The following ASIC3 variants were observed in gnomAD, a reference collection of about 807,000 sequenced individuals.
The protein encoded by ASIC3 is acid-sensing ion channel 3.
Under a neutral mutation model 58.6 loss-of-function variants are expected in ASIC3, and 46 were observed. That is an observed-to-expected ratio of 0.79 (90% CI 0.62 to 1.00). The LOEUF (loss-of-function observed/expected upper bound fraction) is 1.00. ASIC3 is among the 50% of genes least tolerant of loss of function. The pLI is 0.00. For synonymous variants in ASIC3, 336 were observed against 300.2 expected (o/e 1.12, Z -1.23); for missense variants, 770 against 735.0 (o/e 1.05, Z -0.55).
In ASIC3 at chr7:151,048,830, ACTCT is replaced by A. The variant is rs761159844; in HGVS notation, c.-50_-47del. 23 of 1,508,708 alleles carry A rather than the reference ACTCT, an allele frequency of 1.5e-5. No homozygotes were observed. The East Asian group carries it at 1.8e-4, about 12-fold the overall frequency. The allele number at this position is 1,508,708 out of a possible 1,614,324, so 93.5% of individuals were successfully genotyped here. ...CTTAGCCTCCTTAGCCCCCTGACTGACTCTCTCTCGCTTCTTCCAAGCCTCTGTA... is the reference window on the plus strand; with the variant it reads ...CTTAGCCTCCTTAGCCCCCTGACTGACTCTCGCTTCTTCCAAGCCTCTGTA... On this transcript the variant is annotated 5_prime_UTR_variant, in exon 1 of 11. Transcript: ENST00000349064.
Position 151,048,601 on chromosome 7 carries a change from T to A in ASIC3, c.-285T>A, listed in dbSNP as rs1440260422. On this transcript the variant is annotated 5_prime_UTR_variant, in exon 1 of 11. Transcript: ENST00000349064. The stretch of plus-strand genomic sequence containing the variant: ...GCAGCCCCTGCCTGCCACGGTCAGC[T>A]ACGTCCCACCTGGTCTGCTGCGGAG... 2.3e-6 allele frequency: 1 copy of A among 431,272 alleles called. No individual in the cohort carries two copies. The highest frequency in any genetic ancestry group is 3.8e-5 in the Admixed American group (1 of 26,014). 26.7% of individuals were successfully genotyped at this position (431,272 alleles called of 1,614,324 possible).
rs751454802 is a variant in ASIC3 at position 151,049,177 on chromosome 7, C to T, written c.292C>T (p.Arg98Cys). The T allele has an allele frequency of 2.7e-5, 43 of 1,613,552 alleles. No individual in the cohort carries two copies. The South Asian group carries it at 2.7e-4, about 10-fold the overall frequency. ...CACCCTGTGCAACATCAACCCACTGCGCCGCTCGCGCCTAACGCCCAACGA... is the reference window on the plus strand; with the variant it reads ...CACCCTGTGCAACATCAACCCACTGTGCCGCTCGCGCCTAACGCCCAACGA... ...AVTLCNINPLRRSRLTPNDLH... is the reference protein window; with the variant it reads ...AVTLCNINPLCRSRLTPNDLH... The change falls in exon 1 of 11, where the codon CGC becomes TGC. Residue 98 changes from arginine to cysteine, a missense_variant. Coordinates refer to ENST00000349064, the MANE Select transcript of ASIC3 (RefSeq NM_004769.4).
At position 151,052,691 on chromosome 7, in the gene ASIC3, C is replaced by G; in HGVS notation, c.*39C>G. 1.2e-6 allele frequency: 2 copies of G among 1,614,178 alleles called. No individual in the cohort carries two copies. The highest frequency in any genetic ancestry group is 2.2e-5 in the East Asian group (1 of 44,890). Reference sequence around the variant, plus strand: ...GTCCTCGGAGCCCCGCCCTGACATCCTGGACATGCCTAGCCTGCACGTAGC... The same window carrying G: ...GTCCTCGGAGCCCCGCCCTGACATCGTGGACATGCCTAGCCTGCACGTAGC... On this transcript the variant is annotated 3_prime_UTR_variant, in exon 11 of 11. Transcript: ENST00000349064. The surrounding 1 kb of genome is among the most constrained non-coding windows in gnomAD (Gnocchi z 5.0).
rs1285362553 is a variant in ASIC3, at chr7:151,050,860, C to A, written c.916C>A (p.Pro306Thr). The change falls in exon 4 of 11, where the codon CCC becomes ACC. Residue 306 changes from proline to threonine, a missense_variant. By Grantham distance (38) the Pro-to-Thr change is conservative. Transcript: ENST00000349064. ...TCCCCTAGGCTCCCCCAGCCCCAGC[C>A]CCAGCCCTCCCTATACCCTTATGGG... ...SDPLGSPSPSPSPPYTLMGCR... is the reference protein window; with the variant it reads ...SDPLGSPSPSTSPPYTLMGCR... The A allele has an allele frequency of 6.2e-7, 1 of 1,613,232 alleles. No individual in the cohort carries two copies. Among genetic ancestry groups the A allele is most frequent in the Non-Finnish European group, 8.5e-7 (1 of 1,179,912 alleles).
rs1160479573 is a variant in ASIC3, at chr7:151,050,738, T to G, written c.814-20T>G. 3 of 1,612,168 alleles carry G rather than the reference T, an allele frequency of 1.9e-6. No individual in the cohort carries two copies. The Admixed American group carries it at 5.0e-5, about 27-fold the overall frequency. ...CTCTCACGCTCTCCGGGAAGCCTCC[T>G]TAACCCTGTCCCCCCACAGCTGAGC... On this transcript the variant is annotated intron_variant, in intron 3 of 10. Coordinates refer to ENST00000349064, the MANE Select transcript of ASIC3 (RefSeq NM_004769.4).
rs554947323 is a variant in ASIC3 at position 151,049,813 on chromosome 7, G to A, written c.535-293G>A. 1.4e-4 allele frequency among the ~76,000 whole-genome samples: 22 copies of A among 152,296 alleles called. 1 individual carries two copies. In the South Asian group the frequency reaches 4.4e-3, roughly 30 times the overall value. ...GCCTTTTCAACATACTGCCAGCCCC[G>A]GAGGACAGCCACAGGGGCCCATTTC... On this transcript the variant is annotated intron_variant, in intron 1 of 10. Coordinates refer to ENST00000349064, the MANE Select transcript of ASIC3 (RefSeq NM_004769.4).
At chr7:151,051,458 T>G in intron 6 of ASIC3, 139 bp downstream of exon 6, 3 of 1,141,230 alleles carry the variant, frequency 2.6e-6, no homozygotes, top group Non-Finnish European at 3.5e-6. Flanking sequence ...TGGGGCTCCG[T>G]GCTGGTTGCT....
rs768612148 is a variant in ASIC3 at position 151,049,303 on chromosome 7, C to T, written c.418C>T (p.Pro140Ser). ...GRPPAPPGFM[P>S]SPTFDMAQLY... Reference sequence around the variant, plus strand: ...GCCCCCTGCACCGCCCGGCTTCATGCCCAGTCCCACCTTTGACATGGCGCA... The same window carrying T: ...GCCCCCTGCACCGCCCGGCTTCATGTCCAGTCCCACCTTTGACATGGCGCA... The change falls in exon 1 of 11, where the codon CCC (proline) becomes TCC (serine). Residue 140 changes from proline (P) to serine (S), a missense_variant. Coordinates refer to ENST00000349064, the MANE Select transcript of ASIC3 (RefSeq NM_004769.4). 28 of 1,612,836 alleles carry T rather than the reference C, an allele frequency of 1.7e-5. No homozygotes were observed. The highest frequency in any genetic ancestry group is 2.3e-5 in the Non-Finnish European group (27 of 1,179,974).
intron 1 of ASIC3, 39 bp from the exon 2 acceptor site, chr7:151,050,067 C>T: frequency 6.2e-7 from 1 of 1,613,150 alleles, no homozygotes; most frequent in Non-Finnish European, 8.5e-7. Flanking sequence ...CATGTGCCTG[C>T]CTGGGGGAGA....
In ASIC3 at chr7:151,051,078, G is replaced by A; in HGVS notation, c.1049G>A (p.Cys350Tyr). Reference protein sequence around the residue: ...PVCSPQQYKNCAHPAIDAMLR... With the variant: ...PVCSPQQYKNYAHPAIDAMLR... ...TGCAGCCCCCAGCAGTACAAGAACT[G>A]TGCCCACCCGGCCATAGGTAAGGGC... The change falls in exon 5 of 11, where the codon TGT (cysteine) becomes TAT (tyrosine). Residue 350 changes from cysteine to tyrosine, a missense_variant. Coordinates refer to ENST00000349064, the MANE Select transcript of ASIC3 (RefSeq NM_004769.4). 3 of 1,612,788 alleles carry A rather than the reference G, an allele frequency of 1.9e-6. No individual in the cohort carries two copies. The highest frequency in any genetic ancestry group is 2.5e-6 in the Non-Finnish European group (3 of 1,179,928).
rs1281943126 is a variant in ASIC3 at position 151,052,617 on chromosome 7, T to C, written c.1561T>C (p.Ser521Pro). The change falls in exon 11 of 11, where the codon TCC (serine) becomes CCC (proline). Residue 521 changes from serine to proline, a missense_variant. Ser to Pro is a moderately conservative substitution (Grantham distance 74). Transcript: ENST00000349064. The surrounding 1 kb of genome is among the most constrained non-coding windows in gnomAD (Gnocchi z 5.0). ...TGCCGTCACCAAGACTCTCTCCGCC[T>C]CCCACCGCACCTGCTACCTTGTCAC... ...PCAVTKTLSA[S>P]HRTCYLVTQL The C allele has an allele frequency of 6.2e-7, 1 of 1,612,854 alleles. No individual in the cohort carries two copies. Among genetic ancestry groups the C allele is most frequent in the Admixed American group, 1.7e-5 (1 of 59,900 alleles).
chr7:151,051,350 G>C (rs1226886483), intron 6 of ASIC3, 31 bp downstream of exon 6: 1 of 1,447,012 alleles, frequency 6.9e-7, no homozygotes. Flanking sequence ...GGGCTCCTCC[G>C]AGCCGGGGGC....
Position 151,052,730 on chromosome 7 carries a change from C to A in ASIC3, c.*78C>A, listed in dbSNP as rs1796816723. On this transcript the variant is annotated 3_prime_UTR_variant, in exon 11 of 11. Coordinates refer to ENST00000349064, the MANE Select transcript of ASIC3 (RefSeq NM_004769.4). This position sits in a 1 kb window ranked among gnomAD's most constrained non-coding sequence, Gnocchi z 5.0. ...CCTGCACGTAGCTTTTCCGTCTTCA[C>A]CCCAAATAAAGTCCTAATGCATCAG... 2 of 1,613,914 alleles carry A rather than the reference C, an allele frequency of 1.2e-6. No homozygotes were observed. Among genetic ancestry groups the A allele is most frequent in the Non-Finnish European group, 1.7e-6 (2 of 1,179,922 alleles).
rs369122567 is a variant in ASIC3 at position 151,048,930 on chromosome 7, G to C, written c.45G>C (p.Ser15=). 1.9e-6 allele frequency: 3 copies of C among 1,570,640 alleles called. No individual in the cohort carries two copies. The highest frequency in any genetic ancestry group is 2.3e-5 in the East Asian group (1 of 44,340). Residue 15 remains serine (S), a synonymous_variant, in exon 1 of 11, where the codon TCG becomes TCC. Coordinates refer to ENST00000349064, the MANE Select transcript of ASIC3 (RefSeq NM_004769.4). ...SGPEEARRPA[S]DIRVFASNCS... is the part of the protein sequence containing the mutation. ...CAGAGGAGGCCCGGCGGCCAGCCTC[G>C]GACATCCGCGTGTTCGCCAGCAACT...
rs370728181 is a variant in ASIC3 at position 151,049,352 on chromosome 7, C to T, written c.467C>T (p.Ser156Phe). ...MAQLYARAGH[S>F]LDDMLLDCRF... The stretch of plus-strand genomic sequence containing the variant: ...CAACTCTATGCCCGTGCTGGGCACT[C>T]CCTGGATGACATGCTGCTGGACTGT... Residue 156 changes from serine (S) to phenylalanine (F), a missense_variant, in exon 1 of 11, where the codon TCC (serine) becomes TTC (phenylalanine). By Grantham distance (155) the Ser-to-Phe change is radical (BLOSUM62 -2). Transcript: ENST00000349064. The T allele has an allele frequency of 1.4e-5, 22 of 1,612,434 alleles. No homozygotes were observed. The highest frequency in any genetic ancestry group is 1.7e-5 in the Non-Finnish European group (20 of 1,179,670).
rs780454214 is a variant in ASIC3, at chr7:151,052,680, G to A, written c.*28G>A. On this transcript the variant is annotated 3_prime_UTR_variant, in exon 11 of 11. Coordinates refer to ENST00000349064, the MANE Select transcript of ASIC3 (RefSeq NM_004769.4). The surrounding 1 kb of genome is among the most constrained non-coding windows in gnomAD (Gnocchi z 5.0). ...CTGCTGTCTGTGTCCTCGGAGCCCC[G>A]CCCTGACATCCTGGACATGCCTAGC... is the stretch of plus-strand genomic sequence containing the variant. 8.1e-6 allele frequency: 13 copies of A among 1,613,800 alleles called. No individual in the cohort carries two copies. The South Asian group carries it at 1.1e-4, about 14-fold the overall frequency.
Position 151,052,258 on chromosome 7 carries a change from G to A in ASIC3, c.1458+21G>A. ...ATCTGGTAACAGCCCCTCTTCTGGA[G>A]CCCTTGCCTGCTCCAAGGGTGCTAG... On this transcript the variant is annotated intron_variant, in intron 9 of 10. Transcript: ENST00000349064. The surrounding 1 kb of genome is among the most constrained non-coding windows in gnomAD (Gnocchi z 5.0). 6.2e-7 allele frequency: 1 copy of A among 1,613,894 alleles called. No homozygotes were observed. Among genetic ancestry groups the A allele is most frequent in the East Asian group, 2.2e-5 (1 of 44,880 alleles).
intron 1 of ASIC3, 136 bp downstream of exon 1, chr7:151,049,555 C>T: frequency 9.2e-7 from 1 of 1,083,592 alleles, no homozygotes; most frequent in South Asian, 1.6e-5. Flanking sequence ...CCATGGACTC[C>T]CCACCCCCCA....
At position 151,048,960 on chromosome 7, in the gene ASIC3, G is replaced by C. The variant is rs1457791245; in HGVS notation, c.75G>C (p.Ser25=). 5 of 1,596,750 alleles carry C rather than the reference G, an allele frequency of 3.1e-6. No individual in the cohort carries two copies. Among genetic ancestry groups the C allele is most frequent in the East Asian group, 2.2e-5 (1 of 44,480 alleles). ...TCCGCGTGTTCGCCAGCAACTGCTC[G>C]ATGCACGGGCTGGGCCACGTCTTCG... The part of the protein sequence containing the change: ...SDIRVFASNC[S]MHGLGHVFGP... The change falls in exon 1 of 11, where the codon TCG becomes TCC. Residue 25 remains serine (S), a synonymous_variant. Coordinates refer to ENST00000349064, the MANE Select transcript of ASIC3 (RefSeq NM_004769.4).
Sources: gnomAD v4.1 joint callset for allele counts (sites outside exome capture counted in the v4.1 genomes callset) on GRCh38, gnomAD v4.1.1 for gene constraint, Gnocchi (gnomAD v3.1) non-coding constraint, MANE v1.5 for transcripts, NCBI Gene and HGNC (gene_info 2026-07-23, HGNC 2026-07-21) for gene names.